ADCY5: variants seen among roughly 807,000 people sequenced by gnomAD.
The protein encoded by ADCY5 is adenylate cyclase 5.
ADCY5 carries 30 observed loss-of-function variants against 119.7 expected under a neutral mutation model. The observed-to-expected ratio is 0.25, with a 90% CI of 0.19 to 0.34. The LOEUF is 0.34. ADCY5 is among the 10% of genes least tolerant of loss of function. The pLI is 1.00. For missense variants in ADCY5, 1,324 were observed against 1,775.2 expected, an observed-to-expected ratio of 0.75 and a Z score of 4.57; for synonymous variants, 753 against 762.2, an observed-to-expected ratio of 0.99 and a Z score of 0.20.
In ADCY5 at chr3:123,318,135, G is replaced by A; in HGVS notation, c.2257-18C>T. 6.2e-7 allele frequency: 1 copy of A among 1,601,978 alleles called. No individual in the cohort carries two copies. Among genetic ancestry groups the A allele is most frequent in the Non-Finnish European group, 8.5e-7 (1 of 1,170,684 alleles). ...TTGGAGTACTGAGAGGAGACGGGCA[G>A]GGTGAGAGGGGCCAAGGTACCTGGC... On this transcript the variant is annotated intron_variant, in intron 10 of 20. Coordinates refer to ENST00000462833, the MANE Select transcript of ADCY5 (RefSeq NM_183357.3).
chr3:123,311,474 G>A (rs1397606396), intron 12 of ADCY5, among the ~76,000 whole-genome samples: 8 of 152,178 alleles, frequency 5.3e-5, no homozygotes, highest in Admixed American at 3.3e-4. Flanking sequence ...ATGTCTTCAC[G>A]TGCAAGCTGT....
chr3:123,340,706 G>T (rs138337325), intron 3 of ADCY5, among the ~76,000 whole-genome samples: 1 of 152,300 alleles, frequency 6.6e-6, no homozygotes, highest in East Asian at 1.9e-4. Context: ...GAACCCTTGT[G>T]CACTGCTGGG....
At chr3:123,423,528 G>A (rs186315026) in intron 1 of ADCY5, among the ~76,000 whole-genome samples, 204 of 152,248 alleles carry the variant, frequency 1.3e-3, no homozygotes, top group African/African-American at 4.8e-3. Context: ...AAGAGGGGGT[G>A]CAATGCCATC....
intron 1 of ADCY5, among the ~76,000 whole-genome samples, chr3:123,365,411 G>C (rs567382103): frequency 5.9e-5 from 9 of 152,324 alleles, no homozygotes; most frequent in African/African-American, 1.9e-4. Flanking sequence ...TAGAAGTAGA[G>C]AGACTAAAAG....
chr3:123,319,732 C>T lies in ADCY5; in HGVS notation c.2198G>A (p.Arg733Gln), dbSNP rs748008736. ...AIDARSIDRL[R>Q]SEHVRKFLLT... ...GAGGAACTTGCGGACGTGCTCAGAC[C>T]GAAGCCTATCAATGCTCCTGGCGTC... The change falls in exon 10 of 21, where the codon CGG becomes CAG. Residue 733 changes from arginine (R) to glutamine (Q), a missense_variant. Coordinates refer to ENST00000462833, the MANE Select transcript of ADCY5 (RefSeq NM_183357.3). 7 of 1,614,118 alleles carry T rather than the reference C, an allele frequency of 4.3e-6. No individual in the cohort carries two copies. Among genetic ancestry groups the T allele is most frequent in the Admixed American group, 3.3e-5 (2 of 60,010 alleles).
At chr3:123,398,685 A>T (rs1240871078) in intron 1 of ADCY5, among the ~76,000 whole-genome samples, 1 of 152,024 alleles carries the variant, frequency 6.6e-6, no homozygotes, top group Non-Finnish European at 1.5e-5. Flanking sequence ...CATTCAAGTC[A>T]CGTACATCTC....
At chr3:123,351,742 C>T (rs987822545) in intron 2 of ADCY5, among the ~76,000 whole-genome samples, 8 of 152,196 alleles carry the variant, frequency 5.3e-5, no homozygotes, top group Admixed American at 1.3e-4. Context: ...AACAGGACTC[C>T]GCCCCCAAAG....
At position 123,447,531 on chromosome 3, in the gene ADCY5, T is replaced by C. The variant is rs1383953223; in HGVS notation, c.1015A>G (p.Ile339Val). The C allele has an allele frequency of 3.7e-5, 60 of 1,610,782 alleles. No homozygotes were observed. Among genetic ancestry groups the C allele is most frequent in the South Asian group, 5.5e-5 (5 of 90,908 alleles). Reference protein sequence around the residue: ...IWWTVFFIYTIYTLLPVRMRA... With the variant: ...IWWTVFFIYTVYTLLPVRMRA... The stretch of plus-strand genomic sequence containing the variant: ...ATGCGCACGGGCAGCAGCGTGTAGA[T>C]GGTGTAGATGAAGAACACGGTCCAC... Residue 339 changes from isoleucine to valine, a missense_variant, in exon 1 of 21, where the codon ATC becomes GTC. Coordinates refer to ENST00000462833, the MANE Select transcript of ADCY5 (RefSeq NM_183357.3).
chr3:123,298,211 A>C (rs1330790727), intron 15 of ADCY5, among the ~76,000 whole-genome samples: 1 of 151,924 alleles, frequency 6.6e-6, no homozygotes, highest in Admixed American at 6.6e-5. Context: ...GCCAGGCTGG[A>C]CTCAAGTGAT....
chr3:123,381,227 T>C (rs1265248826), intron 1 of ADCY5, among the ~76,000 whole-genome samples: 3 of 152,222 alleles, frequency 2.0e-5, no homozygotes. Context: ...TTTTCCCTTT[T>C]ATCAGAGCCA....
intron 1 of ADCY5, among the ~76,000 whole-genome samples, chr3:123,369,275 C>T: frequency 6.6e-6 from 1 of 152,210 alleles, no homozygotes; most frequent in East Asian, 1.9e-4. Context: ...TGTCACCATG[C>T]TCTTGGACTT....
At chr3:123,296,056 C>T in intron 17 of ADCY5, 28 bp downstream of exon 17, 1 of 1,611,650 alleles carries the variant, frequency 6.2e-7, no homozygotes, top group Non-Finnish European at 8.5e-7. Context: ...ATGCCTCCCT[C>T]CCCAGGTCCA....
intron 15 of ADCY5, 148 bp downstream of exon 15, chr3:123,299,972 A>C: frequency 1.2e-6 from 1 of 849,970 alleles, no homozygotes; most frequent in Admixed American, 2.7e-5. Flanking sequence ...GAAAGAAACA[A>C]GGCCGTTTTC....
At chr3:123,310,259 C>T (rs1216149240) in intron 12 of ADCY5, among the ~76,000 whole-genome samples, 1 of 151,966 alleles carries the variant, frequency 6.6e-6, no homozygotes, top group Non-Finnish European at 1.5e-5. Flanking sequence ...GCACCTAGAT[C>T]AGGCGGTGGG....
intron 1 of ADCY5, among the ~76,000 whole-genome samples, chr3:123,364,262 A>G (rs1458325109): frequency 6.6e-6 from 1 of 152,244 alleles, no homozygotes; most frequent in African/African-American, 2.4e-5. Flanking sequence ...TGCTTGTGCT[A>G]TGAGCACGGC....
At chr3:123,302,130 C>A (rs1939886784) in intron 14 of ADCY5, among the ~76,000 whole-genome samples, 1 of 152,218 alleles carries the variant, frequency 6.6e-6, no homozygotes, top group South Asian at 2.1e-4. Context: ...CAGAAAAAGG[C>A]AAACTGCCCC....
chr3:123,441,255 C>T (rs984036872), intron 1 of ADCY5, among the ~76,000 whole-genome samples: 2 of 152,232 alleles, frequency 1.3e-5, no homozygotes, highest in Non-Finnish European at 2.9e-5. Flanking sequence ...GTTGTACCTT[C>T]CCAGTGCGGC....
At chr3:123,298,304 T>C (rs1939640672) in intron 15 of ADCY5, among the ~76,000 whole-genome samples, 1 of 152,184 alleles carries the variant, frequency 6.6e-6, no homozygotes, top group Admixed American at 6.5e-5. Context: ...TTGGACAAGG[T>C]TGCCCTAGAG....
At chr3:123,315,792 C>T (rs1035581970) in intron 11 of ADCY5, among the ~76,000 whole-genome samples, 4 of 152,178 alleles carry the variant, frequency 2.6e-5, no homozygotes, top group Non-Finnish European at 4.4e-5. Flanking sequence ...GCTGTGTTGG[C>T]CAGGCTGGTC....
Sources: allele counts gnomAD v4.1 joint callset (sites outside exome capture counted in the v4.1 genomes callset), GRCh38; gene constraint gnomAD v4.1.1; transcripts MANE v1.5; gene names NCBI Gene and HGNC (gene_info 2026-07-23, HGNC 2026-07-21).